Variants in MIS18BP1 observed in about 807,000 individuals in gnomAD.
The protein encoded by MIS18BP1 is MIS18 binding protein 1, also known as mis18-binding protein 1.
A neutral mutation model predicts 116.1 loss-of-function variants in MIS18BP1; 72 were observed. The ratio of observed to expected loss-of-function variants is 0.62; its 90% CI spans 0.51 to 0.75. The LOEUF (loss-of-function observed/expected upper bound fraction) is 0.75. Among genes scored for constraint, MIS18BP1 ranks in the 30% least tolerant of loss-of-function variants. The pLI is 0.00. For missense variants in MIS18BP1, 1,363 were observed against 1,303.2 expected, an observed-to-expected ratio of 1.05 and a Z score of -0.71; for synonymous variants, 386 against 427.0, an observed-to-expected ratio of 0.90 and a Z score of 1.18.
chr14:45,221,168 G>A lies in MIS18BP1; in HGVS notation c.2670-2714C>T, dbSNP rs181572048. On this transcript the variant is annotated intron_variant, in intron 11 of 16. Transcript: ENST00000310806. ...AAAAAAATAAAAGAAGCCGGGCGCG[G>A]TGGCTCAAGCCTGTAATCCCAGCAC... Among the ~76,000 whole-genome samples the A allele has an allele frequency of 3.5e-3, 529 of 152,106 alleles. 1 individual carries two copies. Among genetic ancestry groups the A allele is most frequent in the Non-Finnish European group, 5.8e-3 (392 of 67,994 alleles).
At position 45,203,948 on chromosome 14, in the gene MIS18BP1, A is replaced by G. The variant is rs1890436716; in HGVS notation, c.*161T>C. ...TTTACATTTTTAGTAAGCTGCAGCA[A>G]TGAGGATATTTTACTTTGAACACAA... On this transcript the variant is annotated 3_prime_UTR_variant, in exon 17 of 17. Transcript: ENST00000310806. 1.0e-6 allele frequency: 1 copy of G among 984,278 alleles called. No homozygotes were observed. The highest frequency in any genetic ancestry group is 1.4e-6 in the Non-Finnish European group (1 of 714,408). The allele number at this position is 984,278 out of a possible 1,614,324, so 61.0% of individuals were successfully genotyped here.
At chr14:45,204,366 C>A (rs375169177) in intron 16 of MIS18BP1, 33 bp downstream of exon 16, 1 of 1,587,602 alleles carries the variant, frequency 6.3e-7, no homozygotes, top group Non-Finnish European at 8.6e-7. Context: ...TATAATAGAA[C>A]TGAGCCACAA....
Position 45,247,124 on chromosome 14 carries a change from A to G in MIS18BP1, c.163T>C (p.Leu55=), listed in dbSNP as rs760952604. Residue 55 remains leucine (L), a synonymous_variant, in exon 2 of 17, where the codon TTG becomes CTG. Transcript: ENST00000310806. The part of the protein sequence containing the change: ...LVKYQNSSLK[L]NDHKKNQFLK... ...AACTGATTCTTTTTATGGTCATTCAATTTTAAGGAGGAGTTCTGATATTTC... is the reference window on the plus strand; with the variant it reads ...AACTGATTCTTTTTATGGTCATTCAGTTTTAAGGAGGAGTTCTGATATTTC... 3 of 1,612,880 alleles carry G rather than the reference A, an allele frequency of 1.9e-6. No homozygotes were observed.
chr14:45,213,251 G>A lies in MIS18BP1; in HGVS notation c.3004-2723C>T, dbSNP rs943563605. Among the ~76,000 whole-genome samples, 10 of 152,184 alleles carry A rather than the reference G, an allele frequency of 6.6e-5. No individual in the cohort carries two copies. In the East Asian group the frequency reaches 9.7e-4, roughly 15 times the overall value. On this transcript the variant is annotated intron_variant, in intron 13 of 16. Transcript: ENST00000310806. The stretch of plus-strand genomic sequence containing the variant: ...TAAGAATTGTGGTTTCTGCAGACCC[G>A]TATGGATTTGCTGCCAGTAACAGGA...
At position 45,216,951 on chromosome 14, in the gene MIS18BP1, C is replaced by A. The variant is rs1477382062; in HGVS notation, c.3003+68G>T. The A allele has an allele frequency of 2.6e-6, 4 of 1,510,668 alleles. No individual in the cohort carries two copies. In the African/African-American group the frequency reaches 4.2e-5, roughly 16 times the overall value. 93.6% of individuals were successfully genotyped at this position (1,510,668 alleles called of 1,614,324 possible). ...GCCTAAATATTAGTGATGAACACTA[C>A]CATACATAAAAATGAAAGATACAAA... On this transcript the variant is annotated intron_variant, in intron 13 of 16. Transcript: ENST00000310806.
Position 45,203,953 on chromosome 14 carries a change from G to T in MIS18BP1, c.*156C>A. On this transcript the variant is annotated 3_prime_UTR_variant, in exon 17 of 17. Transcript: ENST00000310806. Reference sequence around the variant, plus strand: ...ATTTTTAGTAAGCTGCAGCAATGAGGATATTTTACTTTGAACACAAACATA... The same window carrying T: ...ATTTTTAGTAAGCTGCAGCAATGAGTATATTTTACTTTGAACACAAACATA... The T allele has an allele frequency of 1.1e-5, 12 of 1,048,812 alleles. No homozygotes were observed. The highest frequency in any genetic ancestry group is 1.6e-5 in the Non-Finnish European group (12 of 766,470). The allele number at this position is 1,048,812 out of a possible 1,614,324, so 65.0% of individuals were successfully genotyped here.
At chr14:45,218,250 C>A (rs1273398802) in intron 12 of MIS18BP1, 32 bp downstream of exon 12, 1 of 1,599,536 alleles carries the variant, frequency 6.3e-7, no homozygotes, top group African/African-American at 1.3e-5. Flanking sequence ...ACACTGAGTA[C>A]TAGGAAAAAA....
At chr14:45,223,440 G>A (rs1891027856) in intron 11 of MIS18BP1, among the ~76,000 whole-genome samples, 1 of 152,136 alleles carries the variant, frequency 6.6e-6, no homozygotes, top group African/African-American at 2.4e-5. Context: ...AGCCAGGCGT[G>A]GCAGCGTGCG....
intron 2 of MIS18BP1, 136 bp from the exon 3 acceptor site, chr14:45,243,010 T>C (rs983042023): frequency 3.5e-5 from 19 of 545,056 alleles, no homozygotes; most frequent in Admixed American, 2.5e-4. Context: ...TTGCAATATA[T>C]GACAGTTACA....
intron 9 of MIS18BP1, among the ~76,000 whole-genome samples, chr14:45,227,168 T>C (rs1176046944): frequency 6.6e-6 from 1 of 152,144 alleles, no homozygotes; most frequent in Non-Finnish European, 1.5e-5. Flanking sequence ...GGAAAATAAA[T>C]ATCAAGACAT....
chr14:45,210,573 A>G (rs1555369942), intron 13 of MIS18BP1, 45 bp from the exon 14 acceptor site: 2 of 1,602,080 alleles, frequency 1.2e-6, no homozygotes, highest in South Asian at 1.1e-5. Context: ...CATAAAAGGT[A>G]TTTTCTCATT....
intron 11 of MIS18BP1, among the ~76,000 whole-genome samples, chr14:45,221,927 T>C (rs894015024): frequency 1.3e-5 from 2 of 152,228 alleles, no homozygotes; most frequent in African/African-American, 4.8e-5. Context: ...TGAGGTTTTA[T>C]TGTCAGGTGC....
chr14:45,233,763 T>C (rs1241548421), intron 6 of MIS18BP1, among the ~76,000 whole-genome samples: 4 of 152,206 alleles, frequency 2.6e-5, no homozygotes, highest in East Asian at 3.9e-4. Context: ...GGGAAGAATA[T>C]AGGTTAAGCA....
Position 45,204,092 on chromosome 14 carries a change from C to T in MIS18BP1, c.*17G>A, listed in dbSNP as rs1446977165. ...GCTTTATGGTAAAAATCCCAGGAAT[C>T]ATATTTTCTCATTTTACTATGCAGA... On this transcript the variant is annotated 3_prime_UTR_variant, in exon 17 of 17. Coordinates refer to ENST00000310806, the MANE Select transcript of MIS18BP1 (RefSeq NM_018353.5). 2 of 1,604,444 alleles carry T rather than the reference C, an allele frequency of 1.2e-6. No homozygotes were observed. Among genetic ancestry groups the T allele is most frequent in the East Asian group, 4.5e-5 (2 of 44,524 alleles).
intron 14 of MIS18BP1, 108 bp downstream of exon 14, chr14:45,210,271 TA>T: frequency 8.7e-7 from 1 of 1,152,096 alleles, no homozygotes; most frequent in Non-Finnish European, 1.2e-6. Context: ...CTTGATTTTT[TA>T]AATAATGCCT....
intron 2 of MIS18BP1, among the ~76,000 whole-genome samples, chr14:45,245,203 A>C (rs567134762): frequency 1.3e-5 from 2 of 152,274 alleles, no homozygotes; most frequent in African/African-American, 2.4e-5. Flanking sequence ...CACATTGCTA[A>C]AACGAGCAGT....
rs776938263 is a variant in MIS18BP1 at position 45,224,183 on chromosome 14, G to C, written c.2404C>G (p.His802Asp). 13 of 1,614,012 alleles carry C rather than the reference G, an allele frequency of 8.1e-6. No individual in the cohort carries two copies. In the South Asian group the frequency reaches 8.8e-5, roughly 11 times the overall value. The change falls in exon 11 of 17, where the codon CAC becomes GAC. Residue 802 changes from histidine (H) to aspartate (D), a missense_variant. Transcript: ENST00000310806. Reference protein sequence around the residue: ...KAGNTKEAVVHLRKSTRNTSN... With the variant: ...KAGNTKEAVVDLRKSTRNTSN... Reference sequence around the variant, plus strand: ...GTGTTTCTTGTGCTCTTTCTCAGGTGAACCACTGCTTCTTTGGTGTTTCCT... The same window carrying C: ...GTGTTTCTTGTGCTCTTTCTCAGGTCAACCACTGCTTCTTTGGTGTTTCCT...
Position 45,224,760 on chromosome 14 carries a change from A to G in MIS18BP1, c.1841-14T>C. ...CTTCAGTTGTCTCTTTAATTTCATA[A>G]GACAAAACCAAAGACCAAAATCTCA... On this transcript the variant is annotated splice_polypyrimidine_tract_variant and intron_variant, in intron 10 of 16. Coordinates refer to ENST00000310806, the MANE Select transcript of MIS18BP1 (RefSeq NM_018353.5). 1 of 1,529,254 alleles carries G rather than the reference A, an allele frequency of 6.5e-7. No homozygotes were observed. Among genetic ancestry groups the G allele is most frequent in the Non-Finnish European group, 8.8e-7 (1 of 1,140,822 alleles). The allele number at this position is 1,529,254 out of a possible 1,614,324, so 94.7% of individuals were successfully genotyped here. A position where few individuals can be genotyped will look rare whatever the true frequency, so the allele number is the denominator to read the frequency against.
chr14:45,217,261 C>A, intron 12 of MIS18BP1, 82 bp from the exon 13 acceptor site: 1 of 1,453,132 alleles, frequency 6.9e-7, no homozygotes, highest in South Asian at 1.3e-5. Context: ...TTTGCAAAGT[C>A]TAAATTGTGC....
Sources: allele counts gnomAD v4.1 joint callset (sites outside exome capture counted in the v4.1 genomes callset), GRCh38; gene constraint gnomAD v4.1.1; transcripts MANE v1.5; gene names NCBI Gene and HGNC (gene_info 2026-07-23, HGNC 2026-07-21).